C16orf89: variants seen among roughly 807,000 people sequenced by gnomAD.
The protein encoded by C16orf89 is chromosome 16 open reading frame 89, also known as UPF0764 protein C16orf89.
A neutral mutation model predicts 41.5 loss-of-function variants in C16orf89; 57 were observed. The ratio of observed to expected loss-of-function variants is 1.38; its 90% CI spans 1.11 to 1.71. The LOEUF (loss-of-function observed/expected upper bound fraction) is 1.71, where lower values mean the gene tolerates loss of function less well. Ranked by LOEUF, C16orf89 falls within the 40% of genes most tolerant of loss-of-function variation. C16orf89 has a pLI of 0.00. For synonymous variants in C16orf89, 223 were observed against 190.6 expected (o/e 1.17, Z -1.40); for missense variants, 575 against 445.9 (o/e 1.29, Z -2.61).
At position 5,063,676 on chromosome 16, in the gene C16orf89, T is replaced by A. The variant is rs187768470; in HGVS notation, c.209-1102A>T. On this transcript the variant is annotated intron_variant, in intron 1 of 7. Transcript: ENST00000472572. ...AATTGCACATACGAGGGATCTAGGC[T>A]GCACACACCTTATGAGGATCTAATG... 7.9e-5 allele frequency among the ~76,000 whole-genome samples: 12 copies of A among 152,328 alleles called. No homozygotes were observed. In the East Asian group the frequency reaches 1.9e-3, roughly 24 times the overall value.
At chr16:5,048,427 G>T (rs904554908) in intron 6 of C16orf89, among the ~76,000 whole-genome samples, 1 of 152,044 alleles carries the variant, frequency 6.6e-6, no homozygotes. Context: ...AGGCTATTCC[G>T]GAAGTTTCCT....
intron 1 of C16orf89, 99 bp downstream of exon 1, chr16:5,065,602 C>A: frequency 7.4e-7 from 1 of 1,359,130 alleles, no homozygotes; most frequent in Non-Finnish European, 1.0e-6. Context: ...TATACTGGGG[C>A]CAGGAGTCTG....
chr16:5,049,782 C>T (rs1442996543), intron 6 of C16orf89, among the ~76,000 whole-genome samples: 1 of 152,060 alleles, frequency 6.6e-6, no homozygotes, highest in African/African-American at 2.4e-5. Flanking sequence ...ACTAATGATA[C>T]ATCCCAAGGA....
At chr16:5,062,328 C>A (rs1173604250) in intron 2 of C16orf89, 97 bp downstream of exon 2, 1 of 1,416,518 alleles carries the variant, frequency 7.1e-7, no homozygotes, top group Middle Eastern at 2.4e-4. Context: ...ACTGTCCCAG[C>A]CCAGCCTTGC....
At chr16:5,049,405 C>A (rs1442842639) in intron 6 of C16orf89, among the ~76,000 whole-genome samples, 5 of 152,218 alleles carry the variant, frequency 3.3e-5, no homozygotes, top group Non-Finnish European at 7.3e-5. Context: ...AATATATATT[C>A]TTCTCATCAG....
chr16:5,052,677 T>C (rs1956419870), intron 6 of C16orf89, among the ~76,000 whole-genome samples: 1 of 151,720 alleles, frequency 6.6e-6, no homozygotes. Context: ...ACACAGTTGA[T>C]GGGAATGTAA....
rs1956472332 is a variant in C16orf89, at chr16:5,055,267, C to T, written c.847G>A (p.Glu283Lys). ...EAILSWQKQQEGCFGEPDAED... is the reference protein window; with the variant it reads ...EAILSWQKQQKGCFGEPDAED... Reference sequence around the variant, plus strand: ...TCACCAGGCTCCCCGAAGCATCCTTCCTGCTGTTTCTGCCAGCTGAGAATG... The same window carrying T: ...TCACCAGGCTCCCCGAAGCATCCTTTCTGCTGTTTCTGCCAGCTGAGAATG... Residue 283 changes from glutamate (E) to lysine (K), a missense_variant, in exon 6 of 8, where the codon GAA (glutamate) becomes AAA (lysine). Glu to Lys is a moderately conservative substitution (Grantham distance 56). Transcript: ENST00000472572. 1 of 1,612,556 alleles carries T rather than the reference C, an allele frequency of 6.2e-7. No individual in the cohort carries two copies. Among genetic ancestry groups the T allele is most frequent in the Non-Finnish European group, 8.5e-7 (1 of 1,179,044 alleles).
At chr16:5,056,381 G>T (rs1046964695) in intron 4 of C16orf89, among the ~76,000 whole-genome samples, 193 bp from the exon 5 acceptor site, 1 of 152,170 alleles carries the variant, frequency 6.6e-6, no homozygotes, top group Admixed American at 6.6e-5. Flanking sequence ...CTGGGTTCGA[G>T]ATCCAGCTCT....
chr16:5,050,873 T>C (rs1001594697), intron 6 of C16orf89, among the ~76,000 whole-genome samples: 9 of 152,216 alleles, frequency 5.9e-5, no homozygotes, highest in African/African-American at 2.2e-4. Context: ...GGGACTTTAT[T>C]GGAGGGATGC....
intron 5 of C16orf89, chr16:5,055,713 A>G: frequency 6.8e-7 from 1 of 1,477,316 alleles, no homozygotes. Context: ...GAGCTCCGTC[A>G]CTGGGGCAGC....
intron 1 of C16orf89, among the ~76,000 whole-genome samples, 192 bp from the exon 2 acceptor site, chr16:5,062,766 G>A (rs1956655411): frequency 1.3e-5 from 2 of 152,200 alleles, no homozygotes; most frequent in African/African-American, 4.8e-5. Flanking sequence ...TGGGCAATGA[G>A]AATGGGTGTC....
intron 6 of C16orf89, among the ~76,000 whole-genome samples, chr16:5,053,534 A>G (rs1956435399): frequency 6.6e-6 from 1 of 150,406 alleles, no homozygotes; most frequent in Admixed American, 6.6e-5. Context: ...AATAACAACA[A>G]TTTGTGGTTT....
At chr16:5,052,583 C>G (rs1017533118) in intron 6 of C16orf89, among the ~76,000 whole-genome samples, 2 of 144,240 alleles carry the variant, frequency 1.4e-5, no homozygotes, top group South Asian at 2.2e-4. Context: ...AGAGTGAGAC[C>G]CTGTCTAAAA....
chr16:5,045,346 C>T (rs73512370), intron 7 of C16orf89, among the ~76,000 whole-genome samples: 4,969 of 152,286 alleles, frequency 0.033, 251 homozygotes, highest in African/African-American at 0.11. Context: ...TCCCGTGTGA[C>T]CTCATGGCTC....
At chr16:5,046,298 A>G (rs910965568) in intron 7 of C16orf89, among the ~76,000 whole-genome samples, 1 of 152,028 alleles carries the variant, frequency 6.6e-6, no homozygotes, top group Non-Finnish European at 1.5e-5. Context: ...GCTATTCCAT[A>G]TCCCTTCCTG....
rs150117333 is a variant in C16orf89 at position 5,063,581 on chromosome 16, C to T, written c.209-1007G>A. On this transcript the variant is annotated intron_variant, in intron 1 of 7. Coordinates refer to ENST00000472572, the MANE Select transcript of C16orf89 (RefSeq NM_001098514.3). ...ACTCCCCATCATTCGCTGTCACTAC[C>T]GCCTGAGCTCCGCCTGCTGTCAGAT... is the stretch of plus-strand genomic sequence containing the variant. 2.2e-4 allele frequency among the ~76,000 whole-genome samples: 34 copies of T among 152,300 alleles called. No homozygotes were observed. The East Asian group carries it at 5.4e-3, about 24-fold the overall frequency.
chr16:5,044,438 G>A lies in C16orf89; in HGVS notation c.996C>T (p.Ala332=), dbSNP rs768541375. The change falls in exon 8 of 8, where the codon GCC becomes GCT. Residue 332 remains alanine, a synonymous_variant. Transcript: ENST00000472572. The part of the protein sequence containing the change: ...SSHNTATAVA[A]LGGFLYILAE... ...CCAGGATGTATAGGAAGCCACCCAG[G>A]GCTGCCACTGCTGTGGCTGTGTTGT... 1 of 1,612,932 alleles carries A rather than the reference G, an allele frequency of 6.2e-7. No homozygotes were observed. Among genetic ancestry groups the A allele is most frequent in the Non-Finnish European group, 8.5e-7 (1 of 1,179,628 alleles).
Position 5,055,292 on chromosome 16 carries a change from G to C in C16orf89, c.822C>G (p.Ala274=). The C allele has an allele frequency of 6.2e-7, 1 of 1,613,586 alleles. No individual in the cohort carries two copies. Among genetic ancestry groups the C allele is most frequent in the Non-Finnish European group, 8.5e-7 (1 of 1,179,770 alleles). ...SDFYKLRWLE[A]ILSWQKQQEG... The stretch of plus-strand genomic sequence containing the variant: ...CCTGCTGTTTCTGCCAGCTGAGAAT[G>C]GCCTCCAGCCACCGGAGCTTGTAGA... Residue 274 remains alanine, a synonymous_variant, in exon 6 of 8, where the codon GCC becomes GCG. Coordinates refer to ENST00000472572, the MANE Select transcript of C16orf89 (RefSeq NM_001098514.3).
chr16:5,050,714 A>G (rs1956380303), intron 6 of C16orf89, among the ~76,000 whole-genome samples: 1 of 152,214 alleles, frequency 6.6e-6, no homozygotes, highest in Non-Finnish European at 1.5e-5. Flanking sequence ...GATTTCCCTG[A>G]TGAACCTAGA....
Sources: allele counts gnomAD v4.1 joint callset (sites outside exome capture counted in the v4.1 genomes callset), GRCh38; gene constraint gnomAD v4.1.1; transcripts MANE v1.5; gene names NCBI Gene and HGNC (gene_info 2026-07-23, HGNC 2026-07-21).